The following ENTREP2 variants were observed in gnomAD, a reference collection of about 807,000 sequenced individuals.
The protein encoded by ENTREP2 is protein ENTREP2.
chr15:29,262,590 A>G, the ENTREP2 span, among the ~76,000 whole-genome samples: 1 of 152,224 alleles, frequency 6.6e-6, no homozygotes, highest in African/African-American at 2.4e-5. Flanking sequence ...CAGGGAAGGC[A>G]TGGAAGCTCC....
chr15:29,243,740 A>G, the ENTREP2 span, among the ~76,000 whole-genome samples: 53 of 152,356 alleles, frequency 3.5e-4, no homozygotes, highest in African/African-American at 1.2e-3. Context: ...ATAAATTGGA[A>G]AAAACAGATG....
chr15:29,522,551 T>C, the ENTREP2 span, among the ~76,000 whole-genome samples: 1 of 152,016 alleles, frequency 6.6e-6, no homozygotes, highest in African/African-American at 2.4e-5. Flanking sequence ...TCAAGAAAAA[T>C]GTCTGAATCT....
the ENTREP2 span, among the ~76,000 whole-genome samples, chr15:29,644,826 A>C: frequency 2.6e-5 from 4 of 150,994 alleles, no homozygotes; most frequent in African/African-American, 7.3e-5. Flanking sequence ...AAAAAAAAAA[A>C]AGAAAAAAAA....
the ENTREP2 span, among the ~76,000 whole-genome samples, chr15:29,241,857 ACC>A: frequency 6.7e-6 from 1 of 150,250 alleles, no homozygotes; most frequent in Non-Finnish European, 1.5e-5. Context: ...ATACAGTGAG[ACC>A]CCCCCCCACC....
the ENTREP2 span, among the ~76,000 whole-genome samples, chr15:29,310,434 A>G: frequency 6.6e-6 from 1 of 152,210 alleles, no homozygotes; most frequent in Non-Finnish European, 1.5e-5. Flanking sequence ...GGACATCTCT[A>G]GGGAGGTCCT....
chr15:29,550,301 T>C, the ENTREP2 span, among the ~76,000 whole-genome samples: 3 of 152,092 alleles, frequency 2.0e-5, no homozygotes, highest in South Asian at 2.1e-4. Context: ...GGAAAGCAAG[T>C]GCATATTAAA....
the ENTREP2 span, among the ~76,000 whole-genome samples, chr15:29,235,378 T>G: frequency 6.6e-6 from 1 of 152,252 alleles, no homozygotes; most frequent in South Asian, 2.1e-4. Context: ...TATTGTCTTT[T>G]CATCTTGCTT....
At chr15:29,223,864 C>A in the ENTREP2 span, among the ~76,000 whole-genome samples, 2 of 152,298 alleles carry the variant, frequency 1.3e-5, no homozygotes, top group East Asian at 3.9e-4. Flanking sequence ...CTGGAGAGGG[C>A]TCAGCTGACA....
At chr15:29,385,775 G>A in the ENTREP2 span, among the ~76,000 whole-genome samples, 9,504 of 152,154 alleles carry the variant, frequency 0.062, 402 homozygotes, top group African/African-American at 0.093. Flanking sequence ...AAGTGAGAAC[G>A]GGCAATCCTG....
At chr15:29,270,372 T>TTA in the ENTREP2 span, among the ~76,000 whole-genome samples, 1 of 152,158 alleles carries the variant, frequency 6.6e-6, no homozygotes, top group Non-Finnish European at 1.5e-5. Flanking sequence ...ATTTCCGTAT[T>TTA]TATATTCTCT....
the ENTREP2 span, among the ~76,000 whole-genome samples, chr15:29,443,628 G>C: frequency 4.6e-5 from 7 of 152,042 alleles, no homozygotes; most frequent in Non-Finnish European, 8.8e-5. Context: ...ATTTTGCCAA[G>C]GTTGGGATGT....
the ENTREP2 span, among the ~76,000 whole-genome samples, chr15:29,387,089 G>C: frequency 2.6e-5 from 4 of 152,154 alleles, no homozygotes; most frequent in Non-Finnish European, 5.9e-5. Context: ...TTTTCAAAGG[G>C]AATGCTTCCA....
At chr15:29,561,503 C>T in the ENTREP2 span, among the ~76,000 whole-genome samples, 376 of 152,016 alleles carry the variant, frequency 2.5e-3, 2 homozygotes, top group African/African-American at 8.5e-3. Flanking sequence ...TTGGCTAACA[C>T]GGTGAAACCC....
chr15:29,145,953 T>C, the ENTREP2 span, among the ~76,000 whole-genome samples: 16 of 152,130 alleles, frequency 1.1e-4, no homozygotes, highest in African/African-American at 3.9e-4. Context: ...TCAAAATGAG[T>C]TCAGCATGGT....
chr15:29,649,990 C>A, the ENTREP2 span, among the ~76,000 whole-genome samples: 14 of 151,902 alleles, frequency 9.2e-5, no homozygotes, highest in African/African-American at 2.9e-4. Flanking sequence ...TCATAACCAC[C>A]CCCACAAAAA....
At chr15:29,201,269 TTTC>T in the ENTREP2 span, among the ~76,000 whole-genome samples, 1 of 152,242 alleles carries the variant, frequency 6.6e-6, no homozygotes, top group South Asian at 2.1e-4. Flanking sequence ...TTTATTTTAT[TTTC>T]TTGCCATACT....
the ENTREP2 span, among the ~76,000 whole-genome samples, chr15:29,429,956 T>A: frequency 6.6e-6 from 1 of 152,172 alleles, no homozygotes; most frequent in Non-Finnish European, 1.5e-5. Context: ...ATCTATACAA[T>A]AGGGCTGGGC....
the ENTREP2 span, among the ~76,000 whole-genome samples, chr15:29,228,091 G>T: frequency 6.6e-6 from 1 of 152,156 alleles, no homozygotes; most frequent in Non-Finnish European, 1.5e-5. Flanking sequence ...CAACACTTTG[G>T]GAGGCTGAGG....
At chr15:29,324,443 TAAATATCCC>T in the ENTREP2 span, among the ~76,000 whole-genome samples, 1 of 152,054 alleles carries the variant, frequency 6.6e-6, no homozygotes, top group Non-Finnish European at 1.5e-5. Flanking sequence ...GTAAATAACC[TAAATATCCC>T]AATTAAAAGA....
Sources: allele counts gnomAD v4.1 joint callset (sites outside exome capture counted in the v4.1 genomes callset), GRCh38; gene constraint gnomAD v4.1.1; transcripts MANE v1.5; gene names NCBI Gene and HGNC (gene_info 2026-07-23, HGNC 2026-07-21).